NTNG1: variants seen among roughly 807,000 people sequenced by gnomAD.
NTNG1 encodes the protein netrin-G1.
In NTNG1, 16 loss-of-function variants were observed where a neutral mutation model predicts 54.0. The observed-to-expected ratio is 0.30, with a 90% CI of 0.20 to 0.45. The LOEUF (loss-of-function observed/expected upper bound fraction) is 0.45. NTNG1 is among the 20% of genes least tolerant of loss of function. The probability of loss-of-function intolerance (pLI) is 1.00; values close to 1 mark genes in which losing one functional copy is unlikely to be tolerated. For missense variants in NTNG1, 530 were observed against 678.7 expected, an observed-to-expected ratio of 0.78 and a Z score of 2.43; for synonymous variants, 255 against 263.1, an observed-to-expected ratio of 0.97 and a Z score of 0.30.
intron 2 of NTNG1, among the ~76,000 whole-genome samples, chr1:107,227,663 C>A (rs1267126586): frequency 7.0e-6 from 1 of 141,890 alleles, no homozygotes; most frequent in Non-Finnish European, 1.5e-5. Context: ...ATCTGTCTCT[C>A]TCGCTCTCTC....
At chr1:107,235,772 A>C (rs371386541) in intron 2 of NTNG1, among the ~76,000 whole-genome samples, 15 of 152,278 alleles carry the variant, frequency 9.9e-5, no homozygotes, top group Middle Eastern at 3.4e-3. Flanking sequence ...TCTTCAAGGA[A>C]ATATATTGGG....
intron 3 of NTNG1, among the ~76,000 whole-genome samples, chr1:107,377,302 C>T (rs2101018489): frequency 6.6e-6 from 1 of 152,204 alleles, no homozygotes; most frequent in South Asian, 2.1e-4. Flanking sequence ...TTATCTCAGT[C>T]ACCACCACAC....
chr1:107,450,019 T>C (rs1256568933), intron 7 of NTNG1, among the ~76,000 whole-genome samples: 1 of 152,120 alleles, frequency 6.6e-6, no homozygotes, highest in Admixed American at 6.6e-5. Context: ...GTATGACTGC[T>C]TTATTCCTAC....
chr1:107,247,699 G>A (rs1277575676), intron 2 of NTNG1, among the ~76,000 whole-genome samples: 3 of 152,116 alleles, frequency 2.0e-5, no homozygotes, highest in Non-Finnish European at 4.4e-5. Context: ...CCACATAAAG[G>A]AGAAGATCTC....
At chr1:107,187,101 G>A (rs941682458) in intron 2 of NTNG1, among the ~76,000 whole-genome samples, 1 of 152,036 alleles carries the variant, frequency 6.6e-6, no homozygotes, top group African/African-American at 2.4e-5. Flanking sequence ...CTAGAGAGAG[G>A]CTTGCCCCTC....
At chr1:107,277,018 A>G (rs1218184026) in intron 2 of NTNG1, among the ~76,000 whole-genome samples, 1 of 152,158 alleles carries the variant, frequency 6.6e-6, no homozygotes, top group Non-Finnish European at 1.5e-5. Context: ...TTGTCAGATC[A>G]CCATGCAGGT....
At chr1:107,200,006 A>G (rs1658620047) in intron 2 of NTNG1, among the ~76,000 whole-genome samples, 1 of 151,870 alleles carries the variant, frequency 6.6e-6, no homozygotes, top group Non-Finnish European at 1.5e-5. Context: ...TCATGGAATC[A>G]TGGGGTTTTC....
At chr1:107,372,958 T>G (rs1671014671) in intron 3 of NTNG1, among the ~76,000 whole-genome samples, 2 of 152,180 alleles carry the variant, frequency 1.3e-5, no homozygotes, top group African/African-American at 4.8e-5. Context: ...CATTCCAGCT[T>G]CCTTCGGGTT....
chr1:107,195,295 A>G (rs1658240900), intron 2 of NTNG1, among the ~76,000 whole-genome samples: 1 of 151,964 alleles, frequency 6.6e-6, no homozygotes, highest in African/African-American at 2.4e-5. Context: ...GGTATTCAGA[A>G]TCGTACAATT....
At chr1:107,240,164 A>G (rs1661725269) in intron 2 of NTNG1, among the ~76,000 whole-genome samples, 1 of 152,194 alleles carries the variant, frequency 6.6e-6, no homozygotes, top group Non-Finnish European at 1.5e-5. Flanking sequence ...TTTTTTTTAA[A>G]AAAATGTTTA....
At chr1:107,214,244 A>G (rs992680183) in intron 2 of NTNG1, among the ~76,000 whole-genome samples, 9 of 152,082 alleles carry the variant, frequency 5.9e-5, no homozygotes, top group South Asian at 4.2e-4. Flanking sequence ...CCTGTACCCA[A>G]TGTGTAATCT....
chr1:107,374,911 A>G (rs1307324401), intron 3 of NTNG1, among the ~76,000 whole-genome samples: 1 of 152,084 alleles, frequency 6.6e-6, no homozygotes, highest in Admixed American at 6.5e-5. Context: ...ACTCGTTCAC[A>G]GTAGTCTAGG....
intron 3 of NTNG1, among the ~76,000 whole-genome samples, chr1:107,379,779 G>A (rs1344599593): frequency 1.3e-5 from 2 of 152,096 alleles, no homozygotes; most frequent in African/African-American, 2.4e-5. Context: ...TTACAGATGA[G>A]GAAATTAAGA....
intron 2 of NTNG1, among the ~76,000 whole-genome samples, chr1:107,230,379 A>G (rs1660994127): frequency 6.6e-6 from 1 of 152,152 alleles, no homozygotes; most frequent in Non-Finnish European, 1.5e-5. Flanking sequence ...ACAGATCTCT[A>G]GAAAGTCTGC....
At chr1:107,143,717 C>A (rs751178424) in intron 1 of NTNG1, among the ~76,000 whole-genome samples, 8 of 151,624 alleles carry the variant, frequency 5.3e-5, no homozygotes, top group Admixed American at 1.3e-4. Flanking sequence ...TAGATTTTCT[C>A]ATATATGCGT....
chr1:107,426,665 T>A (rs559549974), intron 5 of NTNG1, among the ~76,000 whole-genome samples: 2 of 151,964 alleles, frequency 1.3e-5, no homozygotes, highest in Non-Finnish European at 2.9e-5. Context: ...GGGCTTTTTT[T>A]GGGGGGTGGG....
At chr1:107,277,171 A>G (rs1415228253) in intron 2 of NTNG1, among the ~76,000 whole-genome samples, 1 of 152,242 alleles carries the variant, frequency 6.6e-6, no homozygotes, top group African/African-American at 2.4e-5. Flanking sequence ...TGTATCTCTC[A>G]GGAAGTGGCT....
intron 2 of NTNG1, among the ~76,000 whole-genome samples, chr1:107,196,913 C>T (rs538126188): frequency 6.6e-6 from 1 of 151,792 alleles, no homozygotes; most frequent in South Asian, 2.1e-4. Flanking sequence ...AGACTAAGAG[C>T]CTATGAAAAC....
chr1:107,321,551 A>G (rs374991567), intron 2 of NTNG1, among the ~76,000 whole-genome samples: 8 of 152,208 alleles, frequency 5.3e-5, no homozygotes, highest in African/African-American at 1.9e-4. Context: ...AGTGATACAA[A>G]GCAGAGAATC....
Sources: gnomAD v4.1 joint callset for allele counts (sites outside exome capture counted in the v4.1 genomes callset) on GRCh38, gnomAD v4.1.1 for gene constraint, MANE v1.5 for transcripts, NCBI Gene and HGNC (gene_info 2026-07-23, HGNC 2026-07-21) for gene names.